MSH4: variants seen among roughly 807,000 people sequenced by gnomAD.
The protein encoded by MSH4 is mutS protein homolog 4.
A neutral mutation model predicts 113.7 loss-of-function variants in MSH4; 106 were observed. That is an observed-to-expected ratio of 0.93 (90% CI 0.80 to 1.10). MSH4 has a LOEUF of 1.10. MSH4 is among the 50% of genes least tolerant of loss of function. The pLI is 0.00. For missense variants in MSH4, 1,061 were observed against 1,093.7 expected (o/e 0.97, Z 0.42); for synonymous variants, 368 against 380.2 (o/e 0.97, Z 0.37).
intron 6 of MSH4, 133 bp from the exon 7 acceptor site, chr1:75,822,276 G>C: frequency 1.9e-6 from 1 of 532,788 alleles, no homozygotes; most frequent in Middle Eastern, 5.7e-4. Flanking sequence ...GAGAGAGAGC[G>C]AGACTCTGTT....
intron 14 of MSH4, 41 bp downstream of exon 14, chr1:75,881,411 AT>A (rs1173242232): frequency 6.3e-7 from 1 of 1,588,154 alleles, no homozygotes; most frequent in Non-Finnish European, 8.6e-7. Flanking sequence ...GCATAGTTAA[AT>A]TTGTATTCGA....
chr1:75,829,280 G>A (rs577702348), intron 7 of MSH4, among the ~76,000 whole-genome samples: 285 of 152,258 alleles, frequency 1.9e-3, no homozygotes, highest in African/African-American at 6.3e-3. Context: ...TAAACAAAGC[G>A]GCCAGGAAGC....
chr1:75,818,178 A>G (rs1421663033), intron 6 of MSH4, among the ~76,000 whole-genome samples: 3 of 152,146 alleles, frequency 2.0e-5, no homozygotes, highest in Admixed American at 2.0e-4. Flanking sequence ...TATCCTTTTA[A>G]TCCAGAAATC....
intron 16 of MSH4, among the ~76,000 whole-genome samples, chr1:75,890,126 C>G (rs1459779819): frequency 6.6e-6 from 1 of 151,922 alleles, no homozygotes; most frequent in Non-Finnish European, 1.5e-5. Flanking sequence ...AGATAAAATT[C>G]TATTTTTGAG....
chr1:75,827,242 T>C (rs975494088), intron 7 of MSH4, among the ~76,000 whole-genome samples: 8 of 152,150 alleles, frequency 5.3e-5, no homozygotes, highest in African/African-American at 1.9e-4. Context: ...AAACTTAATT[T>C]CATAAGTGAA....
intron 18 of MSH4, among the ~76,000 whole-genome samples, chr1:75,899,326 A>G (rs1416525188): frequency 6.6e-6 from 1 of 152,148 alleles, no homozygotes; most frequent in Non-Finnish European, 1.5e-5. Flanking sequence ...TGGAATTTCA[A>G]TATTATTATT....
chr1:75,817,068 G>A (rs1650309344), intron 6 of MSH4, among the ~76,000 whole-genome samples: 1 of 152,156 alleles, frequency 6.6e-6, no homozygotes, highest in Admixed American at 6.5e-5. Context: ...GGCACAAACT[G>A]CCATGCCCAG....
At chr1:75,823,231 G>A (rs1650470360) in intron 7 of MSH4, among the ~76,000 whole-genome samples, 1 of 152,140 alleles carries the variant, frequency 6.6e-6, no homozygotes, top group Non-Finnish European at 1.5e-5. Flanking sequence ...TAGTCGTATT[G>A]TATTAAGACC....
At chr1:75,833,200 A>G (rs1346126558) in intron 7 of MSH4, among the ~76,000 whole-genome samples, 1 of 152,198 alleles carries the variant, frequency 6.6e-6, no homozygotes, top group East Asian at 1.9e-4. Flanking sequence ...TTCAAAGAGA[A>G]TAAAATACCT....
Position 75,897,970 on chromosome 1 carries a change from G to A in MSH4, c.2419G>A (p.Val807Ile). 1.6e-5 allele frequency: 26 copies of A among 1,606,044 alleles called. No individual in the cohort carries two copies. Among genetic ancestry groups the A allele is most frequent in the Non-Finnish European group, 2.2e-5 (26 of 1,175,928 alleles). Residue 807 changes from valine to isoleucine, a missense_variant, in exon 18 of 20, where the codon GTA becomes ATA. Val to Ile is a conservative substitution (Grantham distance 29, BLOSUM62 3). Transcript: ENST00000263187. ...CCATATTGATGCCCTGTATCCTAAT[G>A]TAGAAAACATGCATTTTGAAGTTCA... ...LCHIDALYPNVENMHFEVQHV... is the reference protein window; with the variant it reads ...LCHIDALYPNIENMHFEVQHV...
At chr1:75,890,870 T>C (rs1278448671) in intron 17 of MSH4, 46 bp downstream of exon 17, 1 of 1,392,446 alleles carries the variant, frequency 7.2e-7, no homozygotes, top group African/African-American at 1.4e-5. Flanking sequence ...CTTCTTTATG[T>C]ATCCTTTTAT....
chr1:75,797,285 G>A, intron 1 of MSH4, 56 bp downstream of exon 1: 2 of 1,549,308 alleles, frequency 1.3e-6, no homozygotes, highest in East Asian at 4.6e-5. Flanking sequence ...GCAGTTCATG[G>A]AGGCTCGGGG....
chr1:75,889,341 C>A lies in MSH4; in HGVS notation c.2198C>A (p.Ser733Ter), dbSNP rs149042353. ...ACTGATGATGATATCGAAACAAATT[C>A]ATCAACATTTATGAAAGAAATGAAA... ...ISTDDDIETN[S>*]STFMKEMKEI... is the part of the protein sequence containing the mutation. The change falls in exon 16 of 20, where the codon TCA (serine) becomes TAA (stop). Residue 733 changes from serine to a stop codon, truncating the protein, a stop_gained. Coordinates refer to ENST00000263187, the MANE Select transcript of MSH4 (RefSeq NM_002440.4). LOFTEE classifies it high-confidence loss of function. 1.2e-4 allele frequency: 175 copies of A among 1,504,840 alleles called. No homozygotes were observed. The highest frequency in any genetic ancestry group is 1.5e-4 in the Non-Finnish European group (169 of 1,102,894). The allele number at this position is 1,504,840 out of a possible 1,614,324, so 93.2% of individuals were successfully genotyped here. A position where few individuals can be genotyped will look rare whatever the true frequency, so the allele number is the denominator to read the frequency against.
At chr1:75,826,536 C>T (rs982818511) in intron 7 of MSH4, among the ~76,000 whole-genome samples, 2 of 152,078 alleles carry the variant, frequency 1.3e-5, no homozygotes, top group African/African-American at 4.8e-5. Context: ...TTCTCTAATT[C>T]TTTTAATTGT....
At chr1:75,888,193 TG>T (rs988738393) in intron 15 of MSH4, among the ~76,000 whole-genome samples, 1 of 151,790 alleles carries the variant, frequency 6.6e-6, no homozygotes, top group African/African-American at 2.4e-5. Flanking sequence ...ACCCTTTTTT[TG>T]TTTTTAATCT....
At chr1:75,820,091 C>T (rs767233027) in intron 6 of MSH4, among the ~76,000 whole-genome samples, 13 of 142,536 alleles carry the variant, frequency 9.1e-5, no homozygotes, top group Non-Finnish European at 1.8e-4. Flanking sequence ...GTCATCAGAA[C>T]AAGATCATTA....
At position 75,889,315 on chromosome 1, in the gene MSH4, T is replaced by C. The variant is rs2100581747; in HGVS notation, c.2172T>C (p.Ser724=). 1 of 1,544,122 alleles carries C rather than the reference T, an allele frequency of 6.5e-7. No homozygotes were observed. Among genetic ancestry groups the C allele is most frequent in the East Asian group, 2.3e-5 (1 of 42,642 alleles). Residue 724 remains serine, a synonymous_variant, in exon 16 of 20, where the codon AGT becomes AGC. Coordinates refer to ENST00000263187, the MANE Select transcript of MSH4 (RefSeq NM_002440.4). Reference sequence around the variant, plus strand: ...CTAAACAGATTTTTACAAGAATTAGTACTGATGATGATATCGAAACAAATT... The same window carrying C: ...CTAAACAGATTTTTACAAGAATTAGCACTGATGATGATATCGAAACAAATT... ...RIAKQIFTRI[S]TDDDIETNSS...
At chr1:75,814,191 A>C (rs559586865) in intron 4 of MSH4, among the ~76,000 whole-genome samples, 1 of 150,716 alleles carries the variant, frequency 6.6e-6, no homozygotes, top group South Asian at 2.1e-4. Context: ...GATGTCTCAC[A>C]CTGGTAATTC....
At chr1:75,905,795 T>C (rs568253459) in intron 19 of MSH4, among the ~76,000 whole-genome samples, 10 of 152,292 alleles carry the variant, frequency 6.6e-5, no homozygotes, top group African/African-American at 2.2e-4. Context: ...TTTATTATTA[T>C]AGAATAACAT....
Sources: gnomAD v4.1 joint callset for allele counts (sites outside exome capture counted in the v4.1 genomes callset) on GRCh38, gnomAD v4.1.1 for gene constraint, MANE v1.5 for transcripts, NCBI Gene and HGNC (gene_info 2026-07-23, HGNC 2026-07-21) for gene names.